PRKAA2: variants seen among roughly 807,000 people sequenced by gnomAD.
PRKAA2 encodes 5'-AMP-activated protein kinase catalytic subunit alpha-2.
In PRKAA2, 40 loss-of-function variants were observed where a neutral mutation model predicts 56.3. That is an observed-to-expected ratio of 0.71 (90% CI 0.55 to 0.92). The LOEUF (loss-of-function observed/expected upper bound fraction) is 0.92. PRKAA2 is among the 40% of genes least tolerant of loss of function. The probability of loss-of-function intolerance (pLI) is 0.00; values close to 1 mark genes in which losing one functional copy is unlikely to be tolerated. For missense variants in PRKAA2, 542 were observed against 686.9 expected, an observed-to-expected ratio of 0.79 and a Z score of 2.36; for synonymous variants, 214 against 234.2, an observed-to-expected ratio of 0.91 and a Z score of 0.79.
rs552468540 is a variant in PRKAA2, at chr1:56,657,630, C to T, written c.94+12149C>T. ...GGCAGAGGTTGCAGTGAGCCGAGAT[C>T]GTGCCACTGCACTCCAGCCTGGGTG... On this transcript the variant is annotated intron_variant, in intron 1 of 8. Coordinates refer to ENST00000371244, the MANE Select transcript of PRKAA2 (RefSeq NM_006252.4). Among the ~76,000 whole-genome samples, 13 of 151,974 alleles carry T rather than the reference C, an allele frequency of 8.6e-5. No homozygotes were observed. The East Asian group carries it at 1.2e-3, about 14-fold the overall frequency.
rs1449834951 is a variant in PRKAA2, at chr1:56,714,129, T to C, written c.*6416T>C. 4 of 152,158 alleles carry C rather than the reference T, an allele frequency of 2.6e-5. No homozygotes were observed. The highest frequency in any genetic ancestry group is 5.9e-5 in the Non-Finnish European group (4 of 68,006). The allele number at this position is 152,158 out of a possible 1,614,324, so 9.4% of individuals were successfully genotyped here. ...AAGTCACCTTGGTAAACATAACATT[T>C]GGCTACCTTCTCATGCTTTATAAAT... On this transcript the variant is annotated 3_prime_UTR_variant, in exon 9 of 9. Transcript: ENST00000371244.
intron 1 of PRKAA2, among the ~76,000 whole-genome samples, chr1:56,657,755 A>AGAAG (rs957486441): frequency 3.9e-5 from 6 of 152,190 alleles, no homozygotes; most frequent in African/African-American, 1.4e-4. Flanking sequence ...AATGAATGAA[A>AGAAG]GAAGGAAGGA....
At chr1:56,680,793 A>T (rs555112980) in intron 2 of PRKAA2, among the ~76,000 whole-genome samples, 9 of 152,202 alleles carry the variant, frequency 5.9e-5, no homozygotes, top group African/African-American at 9.7e-5. Flanking sequence ...AGTCTTTGCT[A>T]TTGTGAATAG....
intron 2 of PRKAA2, among the ~76,000 whole-genome samples, chr1:56,679,468 A>G (rs780106869): frequency 6.6e-6 from 1 of 152,288 alleles, no homozygotes; most frequent in Non-Finnish European, 1.5e-5. Flanking sequence ...AGGGAGGTAA[A>G]TGAAAATACC....
intron 1 of PRKAA2, among the ~76,000 whole-genome samples, chr1:56,661,307 G>T (rs988255683): frequency 1.3e-5 from 2 of 152,010 alleles, no homozygotes; most frequent in African/African-American, 4.8e-5. Context: ...CTTTGATAAA[G>T]ACATGGAAAA....
At chr1:56,703,901 GC>G (rs1644313523) in intron 6 of PRKAA2, 69 bp from the exon 7 acceptor site, 2 of 1,447,288 alleles carry the variant, frequency 1.4e-6, no homozygotes, top group South Asian at 1.4e-5. Context: ...CTATTATATT[GC>G]CCTATGTCTA....
chr1:56,655,975 G>A (rs1258897829), intron 1 of PRKAA2, among the ~76,000 whole-genome samples: 4 of 152,172 alleles, frequency 2.6e-5, no homozygotes, highest in Admixed American at 1.3e-4. Context: ...CAGGTTTGTA[G>A]GGGATGCAGA....
intron 1 of PRKAA2, among the ~76,000 whole-genome samples, chr1:56,656,412 T>C (rs1643942795): frequency 6.6e-6 from 1 of 152,202 alleles, no homozygotes; most frequent in Non-Finnish European, 1.5e-5. Context: ...TCAGTTCTAT[T>C]GCCAACAACA....
chr1:56,655,280 A>ATTTTTTT (rs1207874046), intron 1 of PRKAA2, among the ~76,000 whole-genome samples: 1 of 93,676 alleles, frequency 1.1e-5, no homozygotes, highest in African/African-American at 4.5e-5. Context: ...ATATATATAT[A>ATTTTTTT]TTTTTTTTTT....
At chr1:56,690,766 T>C (rs951128634) in intron 2 of PRKAA2, among the ~76,000 whole-genome samples, 7 of 152,234 alleles carry the variant, frequency 4.6e-5, no homozygotes, top group Non-Finnish European at 8.8e-5. Flanking sequence ...TATGTATGTT[T>C]TACAGAAATG....
In PRKAA2 at chr1:56,712,725, G is replaced by T. The variant is rs900634742; in HGVS notation, c.*5012G>T. ...AAATTATCCGGTGTGGTGACAGGCT[G>T]CTTGTAATCCCAGCTACTCGGGAGG... On this transcript the variant is annotated 3_prime_UTR_variant, in exon 9 of 9. Transcript: ENST00000371244. The T allele has an allele frequency of 6.6e-6, 1 of 151,996 alleles. No homozygotes were observed. The highest frequency in any genetic ancestry group is 1.5e-5 in the Non-Finnish European group (1 of 68,000). The allele number at this position is 151,996 out of a possible 1,614,324, so 9.4% of individuals were successfully genotyped here.
chr1:56,666,339 A>G (rs1644035937), intron 1 of PRKAA2, among the ~76,000 whole-genome samples: 1 of 152,222 alleles, frequency 6.6e-6, no homozygotes, highest in Admixed American at 6.5e-5. Flanking sequence ...AGGTAATTAC[A>G]GCACTTGATG....
chr1:56,683,509 A>T (rs1262559146), intron 2 of PRKAA2, among the ~76,000 whole-genome samples: 1 of 152,138 alleles, frequency 6.6e-6, no homozygotes, highest in Non-Finnish European at 1.5e-5. Context: ...TTGTTGGTTG[A>T]TCCATTCATT....
intron 7 of PRKAA2, among the ~76,000 whole-genome samples, chr1:56,705,720 A>G (rs1644327253): frequency 6.6e-6 from 1 of 152,176 alleles, no homozygotes. Flanking sequence ...CTTCTACTCC[A>G]TAATCATCCA....
At position 56,706,245 on chromosome 1, in the gene PRKAA2, C is replaced by T. The variant is rs369843075; in HGVS notation, c.1420+27C>T. 3.8e-6 allele frequency: 6 copies of T among 1,596,444 alleles called. No individual in the cohort carries two copies. In the African/African-American group the frequency reaches 8.1e-5, roughly 22 times the overall value. ...TAAGGAAGCTATGCATGCATGAGCT[C>T]TGAGAAGATAAAACTTGGCACTAGT... On this transcript the variant is annotated intron_variant, in intron 8 of 8. Coordinates refer to ENST00000371244, the MANE Select transcript of PRKAA2 (RefSeq NM_006252.4).
At chr1:56,665,741 A>G (rs925824254) in intron 1 of PRKAA2, among the ~76,000 whole-genome samples, 1 of 152,100 alleles carries the variant, frequency 6.6e-6, no homozygotes, top group Non-Finnish European at 1.5e-5. Context: ...TGGTGGGTGT[A>G]TTATGGTATT....
chr1:56,689,561 A>T (rs1044042061), intron 2 of PRKAA2, among the ~76,000 whole-genome samples: 1 of 151,964 alleles, frequency 6.6e-6, no homozygotes. Context: ...TCTACTAAAA[A>T]TACAAAAATT....
At position 56,715,235 on chromosome 1, in the gene PRKAA2, C is replaced by T. The variant is rs1172364744; in HGVS notation, c.*7522C>T. 1 of 152,134 alleles carries T rather than the reference C, an allele frequency of 6.6e-6. No homozygotes were observed. Among genetic ancestry groups the T allele is most frequent in the Admixed American group, 6.5e-5 (1 of 15,268 alleles). 9.4% of individuals were successfully genotyped at this position (152,134 alleles called of 1,614,324 possible). A position where few individuals can be genotyped will look rare whatever the true frequency, so the allele number is the denominator to read the frequency against. The stretch of plus-strand genomic sequence containing the variant: ...TAATTAATGTTTGCACCATATGAAA[C>T]TCATAGGTAACAAACACAAAGGAGA... On this transcript the variant is annotated 3_prime_UTR_variant, in exon 9 of 9. Transcript: ENST00000371244.
At chr1:56,660,663 T>C (rs1268768313) in intron 1 of PRKAA2, among the ~76,000 whole-genome samples, 2 of 152,182 alleles carry the variant, frequency 1.3e-5, no homozygotes, top group Admixed American at 6.5e-5. Flanking sequence ...AACCTGATTA[T>C]TGAAGGGTAA....
Sources: gnomAD v4.1 joint callset for allele counts (sites outside exome capture counted in the v4.1 genomes callset) on GRCh38, gnomAD v4.1.1 for gene constraint, MANE v1.5 for transcripts, NCBI Gene and HGNC (gene_info 2026-07-23, HGNC 2026-07-21) for gene names.